The following KCNU1 variants were observed in gnomAD, a reference collection of about 807,000 sequenced individuals.
KCNU1 encodes the protein potassium channel subfamily U member 1.
Under a neutral mutation model 126.8 loss-of-function variants are expected in KCNU1, and 93 were observed. That is an observed-to-expected ratio of 0.73 (90% CI 0.62 to 0.87). KCNU1 has a LOEUF of 0.87. Among genes scored for constraint, KCNU1 ranks in the 40% least tolerant of loss-of-function variants. The pLI is 0.00. For synonymous variants in KCNU1, 523 were observed against 494.2 expected (o/e 1.06, Z -0.77); for missense variants, 1,330 against 1,367.1 (o/e 0.97, Z 0.43).
In KCNU1 at chr8:36,897,787, C is replaced by T. The variant is rs180824202; in HGVS notation, c.2010-7921C>T. Among the ~76,000 whole-genome samples, 34 of 152,174 alleles carry T rather than the reference C, an allele frequency of 2.2e-4. No individual in the cohort carries two copies. The East Asian group carries it at 6.2e-3, about 28-fold the overall frequency. ...ACATCTTCTTGTTAAAGAACACTGT[C>T]CATAACCTTTTCCCTCCCACAAGAG... On this transcript the variant is annotated intron_variant, in intron 19 of 26. Transcript: ENST00000399881.
chr8:36,814,539 A>G, intron 8 of KCNU1, 162 bp downstream of exon 8: 1 of 588,480 alleles, frequency 1.7e-6, no homozygotes, highest in South Asian at 2.4e-5. Flanking sequence ...TGTTTTCCAA[A>G]CTGCATCCCC....
intron 23 of KCNU1, among the ~76,000 whole-genome samples, chr8:36,921,404 C>T (rs77518506): frequency 1.3e-5 from 2 of 152,164 alleles, no homozygotes; most frequent in African/African-American, 4.8e-5. Flanking sequence ...TTAAGACAAA[C>T]GTTCTTGAAA....
chr8:36,885,590 C>T (rs1456793132), intron 19 of KCNU1, among the ~76,000 whole-genome samples: 1 of 151,754 alleles, frequency 6.6e-6, no homozygotes, highest in African/African-American at 2.4e-5. Flanking sequence ...GTCAGGAGTT[C>T]GAGACCAGCC....
In KCNU1 at chr8:36,911,003, C is replaced by T. The variant is rs748129543; in HGVS notation, c.2405C>T (p.Pro802Leu). Reference sequence around the variant, plus strand: ...TGCTCCATGTGTGCTGTCTTGTCCCCCCCACCCCAGCCATCAAGCAACCAG... The same window carrying T: ...TGCTCCATGTGTGCTGTCTTGTCCCTCCCACCCCAGCCATCAAGCAACCAG... ...EQCSMCAVLS[P>L]PPQPSSNQTL... The change falls in exon 22 of 27, where the codon CCC becomes CTC. Residue 802 changes from proline to leucine, a missense_variant. This residue lies in a region of KCNU1 where 1,054 missense variants were observed against 1,053.9 expected (regional missense o/e 1.00). Coordinates refer to ENST00000399881, the MANE Select transcript of KCNU1 (RefSeq NM_001031836.3). The T allele has an allele frequency of 1.9e-6, 3 of 1,613,550 alleles. No individual in the cohort carries two copies. Among genetic ancestry groups the T allele is most frequent in the Non-Finnish European group, 2.5e-6 (3 of 1,179,686 alleles).
intron 1 of KCNU1, 88 bp from the exon 2 acceptor site, chr8:36,787,218 A>G (rs910667600): frequency 3.6e-5 from 44 of 1,220,448 alleles, no homozygotes; most frequent in African/African-American, 4.7e-5. Flanking sequence ...GACTGATACC[A>G]TCACAAGAGG....
chr8:36,893,697 G>C (rs1807069834), intron 19 of KCNU1, among the ~76,000 whole-genome samples: 1 of 151,998 alleles, frequency 6.6e-6, no homozygotes, highest in African/African-American at 2.4e-5. Context: ...TTCTTACCAA[G>C]ATCTCACCAT....
chr8:36,798,014 GT>G (rs1162790113), intron 2 of KCNU1, among the ~76,000 whole-genome samples: 3 of 152,156 alleles, frequency 2.0e-5, no homozygotes, highest in Non-Finnish European at 2.9e-5. Context: ...AAAGGGAACC[GT>G]TTGTTGCTTC....
chr8:36,928,934 C>T, intron 24 of KCNU1: 1 of 679,894 alleles, frequency 1.5e-6, no homozygotes, highest in Non-Finnish European at 2.7e-6. Context: ...AATCTACACT[C>T]ATTAATATCA....
intron 19 of KCNU1, among the ~76,000 whole-genome samples, chr8:36,890,042 G>A (rs958298196): frequency 3.9e-5 from 6 of 151,922 alleles, no homozygotes; most frequent in Non-Finnish European, 5.9e-5. Flanking sequence ...GAAGGAAACA[G>A]GCAGACTTCC....
At chr8:36,862,825 A>T (rs900286058) in intron 18 of KCNU1, among the ~76,000 whole-genome samples, 3 of 152,068 alleles carry the variant, frequency 2.0e-5, no homozygotes, top group African/African-American at 7.2e-5. Context: ...TATAATTCCT[A>T]GGCTAGTTCG....
chr8:36,808,816 T>C (rs772708653), intron 7 of KCNU1, 23 bp downstream of exon 7: 8 of 1,554,354 alleles, frequency 5.1e-6, no homozygotes, highest in Non-Finnish European at 7.1e-6. Context: ...TCACAATCCC[T>C]AGTGGTGTCT....
chr8:36,811,849 T>C (rs150950030), intron 7 of KCNU1, among the ~76,000 whole-genome samples: 29 of 152,148 alleles, frequency 1.9e-4, no homozygotes, highest in African/African-American at 6.7e-4. Context: ...GGTGCATCAC[T>C]GGAGGGCAGG....
chr8:36,910,843 C>T, intron 21 of KCNU1, 87 bp from the exon 22 acceptor site: 1 of 895,084 alleles, frequency 1.1e-6, no homozygotes, highest in South Asian at 2.2e-5. Context: ...TCAAAAATTA[C>T]ATCACTCACA....
rs139841557 is a variant in KCNU1, at chr8:36,910,855, A to G, written c.2332-75A>G. 2.0e-4 allele frequency: 210 copies of G among 1,054,842 alleles called. 2 individuals carry two copies. The African/African-American group carries it at 2.5e-3, about 12-fold the overall frequency. 65.3% of individuals were successfully genotyped at this position (1,054,842 alleles called of 1,614,324 possible). A position where few individuals can be genotyped will look rare whatever the true frequency, so the allele number is the denominator to read the frequency against. The stretch of plus-strand genomic sequence containing the variant: ...AGCTCAAAAATTACATCACTCACAA[A>G]GAGCCACCACCATGAGCCATGATAT... On this transcript the variant is annotated intron_variant, in intron 21 of 26. Coordinates refer to ENST00000399881, the MANE Select transcript of KCNU1 (RefSeq NM_001031836.3).
intron 1 of KCNU1, among the ~76,000 whole-genome samples, chr8:36,786,529 T>A (rs947354927): frequency 6.6e-6 from 1 of 152,208 alleles, no homozygotes; most frequent in African/African-American, 2.4e-5. Flanking sequence ...ATGAGCTTTT[T>A]TGAAAGTCAG....
intron 2 of KCNU1, among the ~76,000 whole-genome samples, chr8:36,803,305 A>G (rs971529271): frequency 2.0e-5 from 3 of 152,234 alleles, no homozygotes; most frequent in Non-Finnish European, 4.4e-5. Flanking sequence ...TGGACTGAAC[A>G]TGTTCAAAAG....
chr8:36,865,032 A>C (rs1007059808), intron 19 of KCNU1, among the ~76,000 whole-genome samples: 1 of 152,140 alleles, frequency 6.6e-6, no homozygotes, highest in Non-Finnish European at 1.5e-5. Flanking sequence ...TAGAGGGGCA[A>C]TTCAAAAGTT....
intron 19 of KCNU1, among the ~76,000 whole-genome samples, chr8:36,883,956 A>G (rs1806589790): frequency 1.3e-5 from 2 of 152,220 alleles, no homozygotes; most frequent in Non-Finnish European, 2.9e-5. Flanking sequence ...GTGTTAAACT[A>G]TCTGAAAGGT....
At chr8:36,858,463 T>A (rs1052630219) in intron 18 of KCNU1, among the ~76,000 whole-genome samples, 1 of 152,112 alleles carries the variant, frequency 6.6e-6, no homozygotes, top group South Asian at 2.1e-4. Context: ...CAAGATAATA[T>A]ACTAAAAAGT....
Sources: allele counts gnomAD v4.1 joint callset (sites outside exome capture counted in the v4.1 genomes callset), GRCh38; gene constraint gnomAD v4.1.1; regional missense constraint gnomAD v4.1.1; transcripts MANE v1.5; gene names NCBI Gene and HGNC (gene_info 2026-07-23, HGNC 2026-07-21).